The following CNTNAP2 variants were observed in gnomAD, a reference collection of about 807,000 sequenced individuals.
CNTNAP2 encodes contactin associated protein 2, also known as contactin-associated protein-like 2.
A neutral mutation model predicts 155.2 loss-of-function variants in CNTNAP2; 98 were observed. The observed-to-expected ratio is 0.63, with a 90% CI of 0.54 to 0.75. The LOEUF is 0.75. Among genes scored for constraint, CNTNAP2 ranks in the 30% least tolerant of loss-of-function variants. The pLI is 0.00. For missense variants in CNTNAP2, 1,727 were observed against 1,688.1 expected, an observed-to-expected ratio of 1.02 and a Z score of -0.40; for synonymous variants, 651 against 631.2, an observed-to-expected ratio of 1.03 and a Z score of -0.47.
At chr7:146,395,364 C>T (rs1034165733) in intron 1 of CNTNAP2, among the ~76,000 whole-genome samples, 1 of 151,866 alleles carries the variant, frequency 6.6e-6, no homozygotes, top group Non-Finnish European at 1.5e-5. Context: ...GAAGGGGAGC[C>T]ATTTTATTAT....
At chr7:146,956,189 G>A (rs1197714523) in intron 3 of CNTNAP2, among the ~76,000 whole-genome samples, 1 of 151,956 alleles carries the variant, frequency 6.6e-6, no homozygotes, top group East Asian at 1.9e-4. Context: ...TTTAGACTTG[G>A]TATTAAAAAA....
At chr7:147,867,248 C>A (rs1799247011) in intron 13 of CNTNAP2, among the ~76,000 whole-genome samples, 1 of 152,146 alleles carries the variant, frequency 6.6e-6, no homozygotes, top group African/African-American at 2.4e-5. Flanking sequence ...GTTGAAAATT[C>A]TTTTCTTTAA....
intron 1 of CNTNAP2, among the ~76,000 whole-genome samples, chr7:146,532,314 T>C (rs892986620): frequency 5.9e-5 from 9 of 152,182 alleles, no homozygotes; most frequent in African/African-American, 2.2e-4. Context: ...AAATTCCATA[T>C]TGCATGATTA....
At chr7:147,883,134 T>C (rs188205609) in intron 13 of CNTNAP2, among the ~76,000 whole-genome samples, 1 of 152,198 alleles carries the variant, frequency 6.6e-6, no homozygotes, top group African/African-American at 2.4e-5. Context: ...TCCCAGAATA[T>C]AGAAAGCCTT....
chr7:147,132,498 A>C lies in CNTNAP2; in HGVS notation c.1337A>C (p.Asp446Ala), dbSNP rs753860243. The C allele has an allele frequency of 2.5e-6, 4 of 1,613,520 alleles. No homozygotes were observed. The highest frequency in any genetic ancestry group is 3.4e-6 in the Non-Finnish European group (4 of 1,179,634). ...NITQTKMSQI[D>A]ISSGSGLNDG... is the part of the protein sequence containing the mutation. ...ACACAGACCAAGATGAGCCAAATCG[A>C]TATTTCCTCAGGTCAGTGAAACCTA... The change falls in exon 8 of 24, where the codon GAT (aspartate) becomes GCT (alanine). Residue 446 changes from aspartate (D) to alanine (A), a missense_variant. Transcript: ENST00000361727.
At chr7:148,077,837 A>C (rs1351140504) in intron 15 of CNTNAP2, among the ~76,000 whole-genome samples, 1 of 152,210 alleles carries the variant, frequency 6.6e-6, no homozygotes, top group Non-Finnish European at 1.5e-5. Context: ...AAGTTGATAT[A>C]CACTATTTTG....
intron 1 of CNTNAP2, among the ~76,000 whole-genome samples, chr7:146,488,755 A>G (rs1165625639): frequency 2.0e-5 from 3 of 152,026 alleles, no homozygotes; most frequent in Non-Finnish European, 4.4e-5. Context: ...CACCTGCCCA[A>G]GTAGCTGGGA....
intron 1 of CNTNAP2, among the ~76,000 whole-genome samples, chr7:146,383,388 G>C (rs892173841): frequency 6.6e-6 from 1 of 152,080 alleles, no homozygotes; most frequent in African/African-American, 2.4e-5. Flanking sequence ...ATACTGGAAA[G>C]GTCCTCAAAA....
intron 10 of CNTNAP2, among the ~76,000 whole-genome samples, chr7:147,449,888 G>C (rs530263782): frequency 9.5e-4 from 144 of 152,188 alleles, no homozygotes; most frequent in South Asian, 4.6e-3. Flanking sequence ...CAATTTGTCA[G>C]CCAATCACAT....
intron 4 of CNTNAP2, among the ~76,000 whole-genome samples, chr7:147,056,972 A>ATT (rs367768101): frequency 2.1e-5 from 3 of 144,300 alleles, no homozygotes; most frequent in East Asian, 4.0e-4. Flanking sequence ...AGATGGGGTT[A>ATT]TTTTTTTTTT....
At chr7:146,873,508 G>A (rs1795357206) in intron 3 of CNTNAP2, among the ~76,000 whole-genome samples, 1 of 152,092 alleles carries the variant, frequency 6.6e-6, no homozygotes, top group African/African-American at 2.4e-5. Context: ...GGCTTAGAGG[G>A]TGAAAGTGTA....
At chr7:146,452,548 T>C (rs1796499376) in intron 1 of CNTNAP2, among the ~76,000 whole-genome samples, 1 of 152,234 alleles carries the variant, frequency 6.6e-6, no homozygotes, top group Admixed American at 6.5e-5. Context: ...TTTTGTCTAA[T>C]TCTCTTTGAT....
At chr7:147,548,783 T>A (rs1162766259) in intron 11 of CNTNAP2, among the ~76,000 whole-genome samples, 1 of 152,228 alleles carries the variant, frequency 6.6e-6, no homozygotes, top group East Asian at 1.9e-4. Context: ...TAATTCTGTA[T>A]AAGGTGTAAG....
chr7:146,312,286 G>T (rs1051024302), intron 1 of CNTNAP2, among the ~76,000 whole-genome samples: 1 of 152,164 alleles, frequency 6.6e-6, no homozygotes, highest in Non-Finnish European at 1.5e-5. Context: ...ATGGGTGAGA[G>T]TTAGTTGATG....
At chr7:148,361,920 C>T (rs564148564) in intron 21 of CNTNAP2, among the ~76,000 whole-genome samples, 12 of 152,082 alleles carry the variant, frequency 7.9e-5, no homozygotes, top group African/African-American at 2.9e-4. Context: ...CGGCCGGGCA[C>T]GGTGGCTCAC....
At chr7:147,394,552 T>G (rs1796777780) in intron 9 of CNTNAP2, among the ~76,000 whole-genome samples, 1 of 152,050 alleles carries the variant, frequency 6.6e-6, no homozygotes, top group Non-Finnish European at 1.5e-5. Flanking sequence ...AGATTTGGTA[T>G]GGTGAACCAT....
chr7:146,928,949 G>A lies in CNTNAP2; in HGVS notation c.402+89045G>A, dbSNP rs890587281. 2.8e-4 allele frequency among the ~76,000 whole-genome samples: 43 copies of A among 152,354 alleles called. 1 individual carries two copies. The highest frequency in any genetic ancestry group is 1.6e-3 in the Admixed American group (24 of 15,308). On this transcript the variant is annotated intron_variant, in intron 3 of 23. Coordinates refer to ENST00000361727, the MANE Select transcript of CNTNAP2 (RefSeq NM_014141.6). ...AGCAGCCAGGAAGCTGGAACTGGGT[G>A]GAGCCCACCACAGCTCAAGGAGGCC...
chr7:146,839,580 G>C, intron 2 of CNTNAP2, 131 bp from the exon 3 acceptor site: 1 of 919,058 alleles, frequency 1.1e-6, no homozygotes. Flanking sequence ...ATCTATAAAG[G>C]ATATTTCATA....
At chr7:148,123,150 C>A (rs1437462129) in intron 16 of CNTNAP2, among the ~76,000 whole-genome samples, 1 of 152,106 alleles carries the variant, frequency 6.6e-6, no homozygotes, top group Non-Finnish European at 1.5e-5. Context: ...AGAGAGGTCT[C>A]AGAAACTCAG....
Sources: gnomAD v4.1 joint callset for allele counts (sites outside exome capture counted in the v4.1 genomes callset) on GRCh38, gnomAD v4.1.1 for gene constraint, MANE v1.5 for transcripts, NCBI Gene and HGNC (gene_info 2026-07-23, HGNC 2026-07-21) for gene names.